PDZK1: variants seen among roughly 807,000 people sequenced by gnomAD.
PDZK1 encodes Na(+)/H(+) exchange regulatory cofactor NHE-RF3.
In PDZK1, 23 loss-of-function variants were observed where a neutral mutation model predicts 38.1. The observed-to-expected ratio is 0.60, with a 90% CI of 0.43 to 0.85. PDZK1 has a LOEUF of 0.85. Ranked by LOEUF, PDZK1 falls within the 40% of genes least tolerant of loss-of-function variation. The pLI is 0.00. For synonymous variants in PDZK1, 98 were observed against 186.2 expected, an observed-to-expected ratio of 0.53 and a Z score of 3.86; for missense variants, 297 against 504.3, an observed-to-expected ratio of 0.59 and a Z score of 3.94.
intron 1 of PDZK1, among the ~76,000 whole-genome samples, chr1:145,705,941 C>CG (rs757432757): frequency 4.6e-5 from 7 of 151,970 alleles, no homozygotes; most frequent in Non-Finnish European, 7.4e-5. Flanking sequence ...TTTGTAGAGA[C>CG]GGGGGTCTCA....
At chr1:145,675,653 C>A (rs1653574086) in intron 6 of PDZK1, among the ~76,000 whole-genome samples, 1 of 152,036 alleles carries the variant, frequency 6.6e-6, no homozygotes, top group Non-Finnish European at 1.5e-5. Flanking sequence ...ATAACACTAC[C>A]CAAACAAGCA....
At chr1:145,698,419 A>G (rs1384285544) in intron 1 of PDZK1, among the ~76,000 whole-genome samples, 4 of 152,202 alleles carry the variant, frequency 2.6e-5, no homozygotes, top group Non-Finnish European at 2.9e-5. Flanking sequence ...CTGGCGGTGA[A>G]CTAAGACAGT....
intron 5 of PDZK1, among the ~76,000 whole-genome samples, chr1:145,679,928 A>G (rs1236218544): frequency 6.6e-6 from 1 of 152,214 alleles, no homozygotes; most frequent in Non-Finnish European, 1.5e-5. Context: ...AAACTGTGCC[A>G]GTGTCTCCTG....
At chr1:145,688,078 T>G (rs1404010842) in intron 1 of PDZK1, 55 bp from the exon 2 acceptor site, 2 of 1,407,840 alleles carry the variant, frequency 1.4e-6, no homozygotes, top group African/African-American at 1.4e-5. Flanking sequence ...CTAATTGGAG[T>G]GAGAACCCCA....
At position 145,698,871 on chromosome 1, in the gene PDZK1, G is replaced by A. The variant is rs587662519; in HGVS notation, c.-3+8446C>T. Among the ~76,000 whole-genome samples, 7 of 152,148 alleles carry A rather than the reference G, an allele frequency of 4.6e-5. No individual in the cohort carries two copies. In the South Asian group the frequency reaches 1.0e-3, roughly 23 times the overall value. On this transcript the variant is annotated intron_variant, in intron 1 of 8. Transcript: ENST00000417171. ...TGCTTGAACCCGGGAGGCGGGAGGCGGAGGCTGCAGTAAGCCAAGATTGCA... is the reference window on the plus strand; with the variant it reads ...TGCTTGAACCCGGGAGGCGGGAGGCAGAGGCTGCAGTAAGCCAAGATTGCA...
At chr1:145,684,077 C>G in intron 3 of PDZK1, among the ~76,000 whole-genome samples, 1 of 151,678 alleles carries the variant, frequency 6.6e-6, no homozygotes, top group Non-Finnish European at 1.5e-5. Flanking sequence ...GAACTCCTGA[C>G]CTCAGGTAAT....
rs1303093032 is a variant in PDZK1, at chr1:145,678,034, C to CT, written c.990+414dup. ...GGTTGGTCTTGGTCTATCTGTGTTT[C>CT]TTTTTTATTTGCTAAGGGCTTACAA... On this transcript the variant is annotated intron_variant, in intron 6 of 8. Coordinates refer to ENST00000417171, the MANE Select transcript of PDZK1 (RefSeq NM_001201325.2). Among the ~76,000 whole-genome samples, 4 of 92,454 alleles carry CT rather than the reference C, an allele frequency of 4.3e-5. No homozygotes were observed. In the Admixed American group the frequency reaches 5.2e-4, roughly 12 times the overall value. The allele number at this position is 92,454 out of a possible 152,430, so 60.7% of individuals were successfully genotyped here.
intron 1 of PDZK1, among the ~76,000 whole-genome samples, chr1:145,698,049 T>C (rs587626599): frequency 6.6e-6 from 1 of 151,764 alleles, no homozygotes; most frequent in Non-Finnish European, 1.5e-5. Flanking sequence ...AGAAGAGAAG[T>C]AGAAAAAAAT....
intron 1 of PDZK1, among the ~76,000 whole-genome samples, chr1:145,703,288 G>A (rs1656071540): frequency 6.6e-6 from 1 of 152,172 alleles, no homozygotes; most frequent in South Asian, 2.1e-4. Flanking sequence ...CCCTGAAAGA[G>A]CCTGGAGTCC....
chr1:145,691,191 G>A (rs940164734), intron 1 of PDZK1, among the ~76,000 whole-genome samples: 2 of 152,282 alleles, frequency 1.3e-5, no homozygotes, highest in Non-Finnish European at 1.5e-5. Flanking sequence ...CACCAATGGG[G>A]AAAGCAGACC....
rs1553701866 is a variant in PDZK1 at position 145,686,761 on chromosome 1, C to A, written c.211-35G>T. On this transcript the variant is annotated intron_variant, in intron 2 of 8. Transcript: ENST00000417171. ...AAGAAGAAAAAGGTAACTTTAATAA[C>A]CCTCTGCCAACTGCCAGAGGGAAAT... is the stretch of plus-strand genomic sequence containing the variant. 6.9e-6 allele frequency: 8 copies of A among 1,152,866 alleles called. No homozygotes were observed. The African/African-American group carries it at 7.7e-5, about 11-fold the overall frequency. 71.4% of individuals were successfully genotyped at this position (1,152,866 alleles called of 1,614,324 possible).
At chr1:145,700,297 A>G (rs1655887626) in intron 1 of PDZK1, among the ~76,000 whole-genome samples, 1 of 152,240 alleles carries the variant, frequency 6.6e-6, no homozygotes, top group Admixed American at 6.5e-5. Context: ...CCAGGGAATT[A>G]CAAAATAGAA....
rs373824847 is a variant in PDZK1, at chr1:145,688,413, G to A, written c.-2-390C>T. Among the ~76,000 whole-genome samples the A allele has an allele frequency of 1.6e-4, 25 of 152,202 alleles. No homozygotes were observed. In the East Asian group the frequency reaches 2.9e-3, roughly 18 times the overall value. On this transcript the variant is annotated intron_variant, in intron 1 of 8. Transcript: ENST00000417171. The stretch of plus-strand genomic sequence containing the variant: ...AAGAGCTTTTCAAGTTCAAGGAATC[G>A]AGGTTAAATCTGTAGACAAGATGGA...
rs10564713 is a variant in PDZK1 at position 145,697,763 on chromosome 1, A to ATTTT, written c.-3+9550_-3+9553dup. Among the ~76,000 whole-genome samples, 96 of 44,978 alleles carry ATTTT rather than the reference A, an allele frequency of 2.1e-3. 18 individuals are homozygous for ATTTT. The highest frequency in any genetic ancestry group is 7.2e-3 in the African/African-American group (73 of 10,196). The allele number at this position is 44,978 out of a possible 152,430, so 29.5% of individuals were successfully genotyped here. ...AGGCACCCGCCACCATGCCCAGCTA[A>ATTTT]TTTTTTTTTTTTTTTTTTTTTTTTT... On this transcript the variant is annotated intron_variant, in intron 1 of 8. Transcript: ENST00000417171.
rs782100892 is a variant in PDZK1 at position 145,687,948 on chromosome 1, C to G, written c.74G>C (p.Arg25Pro). ...QEGQNYGFFL[R>P]IEKDTEGHLV... The stretch of plus-strand genomic sequence containing the variant: ...GTGGCCCTCGGTGTCCTTCTCAATT[C>G]GCAGGAAGAAGCCATAGTTTTGCCC... Residue 25 changes from arginine to proline, a missense_variant, in exon 2 of 9, where the codon CGA (arginine) becomes CCA (proline). Physicochemically the swap from Arg to Pro is moderately radical, Grantham distance 103. This residue lies in a region of PDZK1 where 159 missense variants were observed against 200.0 expected (regional missense o/e 0.79). Coordinates refer to ENST00000417171, the MANE Select transcript of PDZK1 (RefSeq NM_001201325.2). 1 of 1,612,268 alleles carries G rather than the reference C, an allele frequency of 6.2e-7. No individual in the cohort carries two copies. Among genetic ancestry groups the G allele is most frequent in the Non-Finnish European group, 8.5e-7 (1 of 1,179,538 alleles).
intron 6 of PDZK1, 167 bp from the exon 7 acceptor site, chr1:145,674,048 TA>T (rs1490530176): frequency 2.9e-6 from 2 of 688,810 alleles, no homozygotes; most frequent in Non-Finnish European, 3.6e-6. Flanking sequence ...AGGAAAGGTA[TA>T]AAAGAAGACT....
chr1:145,695,432 A>C (rs1433604231), intron 1 of PDZK1, among the ~76,000 whole-genome samples: 7 of 151,894 alleles, frequency 4.6e-5, no homozygotes, highest in Non-Finnish European at 8.8e-5. Flanking sequence ...AGAGAGAAAG[A>C]GGAGAGAGAG....
chr1:145,691,978 T>TC (rs1553703309), intron 1 of PDZK1, among the ~76,000 whole-genome samples: 1 of 152,122 alleles, frequency 6.6e-6, no homozygotes, highest in African/African-American at 2.4e-5. Context: ...ATTTTTTTTT[T>TC]CACCAATTTT....
At chr1:145,677,180 A>G (rs1472556335) in intron 6 of PDZK1, among the ~76,000 whole-genome samples, 3 of 152,226 alleles carry the variant, frequency 2.0e-5, no homozygotes, top group Non-Finnish European at 4.4e-5. Context: ...CACTTGGACT[A>G]TGAAGTTTCT....
Sources: allele counts gnomAD v4.1 joint callset (sites outside exome capture counted in the v4.1 genomes callset), GRCh38; gene constraint gnomAD v4.1.1; regional missense constraint gnomAD v4.1.1; transcripts MANE v1.5; gene names NCBI Gene and HGNC (gene_info 2026-07-23, HGNC 2026-07-21).